CENPC: variants seen among roughly 807,000 people sequenced by gnomAD.
The protein encoded by CENPC is centromere protein C.
Under a neutral mutation model 112.1 loss-of-function variants are expected in CENPC, and 63 were observed. That is an observed-to-expected ratio of 0.56 (90% CI 0.46 to 0.69). CENPC has a LOEUF of 0.69. CENPC is among the 30% of genes least tolerant of loss of function. CENPC has a pLI of 0.00. For synonymous variants in CENPC, 333 were observed against 367.6 expected (o/e 0.91, Z 1.08); for missense variants, 1,000 against 1,103.8 (o/e 0.91, Z 1.33).
At chr4:67,512,248 G>A in intron 9 of CENPC, 154 bp downstream of exon 9, 1 of 592,936 alleles carries the variant, frequency 1.7e-6, no homozygotes, top group South Asian at 2.3e-5. Context: ...ACGCTTCAAG[G>A]AATATCTTTA....
At chr4:67,526,594 AT>A (rs1479445718) in intron 5 of CENPC, among the ~76,000 whole-genome samples, 1 of 152,198 alleles carries the variant, frequency 6.6e-6, no homozygotes, top group Non-Finnish European at 1.5e-5. Context: ...TAGTTAAAGG[AT>A]TAACACCAAT....
At chr4:67,534,658 G>C (rs762477370) in intron 4 of CENPC, among the ~76,000 whole-genome samples, 2 of 152,190 alleles carry the variant, frequency 1.3e-5, no homozygotes, top group African/African-American at 2.4e-5. Flanking sequence ...AGATTTCTTT[G>C]TCAGAAATAC....
chr4:67,493,670 T>C (rs1001385492), intron 14 of CENPC: 39 of 445,246 alleles, frequency 8.8e-5, no homozygotes, highest in Non-Finnish European at 1.6e-4. Context: ...ATTGGAAATC[T>C]TGTCAGATGA....
At chr4:67,540,855 AG>A (rs1469877627) in intron 3 of CENPC, 124 bp downstream of exon 3, 1 of 712,884 alleles carries the variant, frequency 1.4e-6, no homozygotes, top group African/African-American at 1.8e-5. Flanking sequence ...TCAAAATACC[AG>A]GGAAAATATT....
At chr4:67,492,142 G>T in intron 16 of CENPC, 38 bp downstream of exon 16, 2 of 1,304,296 alleles carry the variant, frequency 1.5e-6, no homozygotes, top group Non-Finnish European at 2.1e-6. Flanking sequence ...CTTACAAATT[G>T]TTTAATTAAG....
intron 17 of CENPC, among the ~76,000 whole-genome samples, 164 bp from the exon 18 acceptor site, chr4:67,475,142 A>G (rs1724768918): frequency 6.6e-6 from 1 of 152,216 alleles, no homozygotes; most frequent in Admixed American, 6.5e-5. Context: ...GGACCTTGAG[A>G]TGGGGAGATT....
chr4:67,490,853 TATATATATATATATATATATATATAGAA>T (rs1330885737), intron 16 of CENPC, among the ~76,000 whole-genome samples: 90 of 17,910 alleles, frequency 5.0e-3, no homozygotes, highest in Admixed American at 0.034. Context: ...TATATATATA[TATATATATATATATATATATATATAGAA>T]ATATATAGAA....
intron 5 of CENPC, among the ~76,000 whole-genome samples, chr4:67,522,157 A>G (rs1726246693): frequency 6.6e-6 from 1 of 152,262 alleles, no homozygotes; most frequent in East Asian, 1.9e-4. Flanking sequence ...TATATAAACA[A>G]ACTAAAACAA....
At chr4:67,538,229 T>C (rs1164733979) in intron 4 of CENPC, among the ~76,000 whole-genome samples, 2 of 152,326 alleles carry the variant, frequency 1.3e-5, no homozygotes, top group African/African-American at 4.8e-5. Flanking sequence ...CCTCTAACAC[T>C]ATTTTAGCTA....
chr4:67,491,790 C>A (rs371550954), intron 16 of CENPC, among the ~76,000 whole-genome samples: 1 of 152,028 alleles, frequency 6.6e-6, no homozygotes, highest in Non-Finnish European at 1.5e-5. Context: ...TGTGCCCTAC[C>A]CACAATCCCT....
intron 5 of CENPC, among the ~76,000 whole-genome samples, chr4:67,523,447 A>C (rs1726288296): frequency 6.6e-6 from 1 of 152,234 alleles, no homozygotes; most frequent in Non-Finnish European, 1.5e-5. Context: ...ATGTATACAG[A>C]AATGTAAAAG....
In CENPC at chr4:67,514,630, C is replaced by T. The variant is rs752715558; in HGVS notation, c.888G>A (p.Thr296=). The change falls in exon 8 of 19, where the codon ACG becomes ACA. Residue 296 remains threonine (T), a synonymous_variant. Coordinates refer to ENST00000273853, the MANE Select transcript of CENPC (RefSeq NM_001812.4). ...TTATAAATTCATCCTCTATCAACTT[C>T]GTATCATCGGGAGGACACGAATGAG... ...APPHSCPPDD[T]KLIEDEFIID... is the part of the protein sequence containing the mutation. The T allele has an allele frequency of 3.7e-6, 6 of 1,607,636 alleles. No homozygotes were observed. Among genetic ancestry groups the T allele is most frequent in the Non-Finnish European group, 2.5e-6 (3 of 1,177,206 alleles).
intron 12 of CENPC, among the ~76,000 whole-genome samples, chr4:67,496,296 T>G (rs1725429057): frequency 6.6e-6 from 1 of 152,152 alleles, no homozygotes; most frequent in Admixed American, 6.6e-5. Flanking sequence ...CAGCTTGCAT[T>G]TAACTATATA....
In CENPC at chr4:67,470,723, C is replaced by T. The variant is rs1724637818; in HGVS notation, c.*1882G>A. On this transcript the variant is annotated 3_prime_UTR_variant, in exon 19 of 19. Coordinates refer to ENST00000273853, the MANE Select transcript of CENPC (RefSeq NM_001812.4). ...TGGTAAAAACTACAGTTTTGTCTGG[C>T]TGTAGCTAACTGAAAAACTAGCAAC... 1 of 152,190 alleles carries T rather than the reference C, an allele frequency of 6.6e-6. No individual in the cohort carries two copies. The highest frequency in any genetic ancestry group is 1.5e-5 in the Non-Finnish European group (1 of 68,046). The allele number at this position is 152,190 out of a possible 1,614,324, so 9.4% of individuals were successfully genotyped here.
At chr4:67,510,827 G>T in intron 9 of CENPC, 1 of 345,442 alleles carries the variant, frequency 2.9e-6, no homozygotes, top group East Asian at 7.5e-5. Context: ...TGAGAGTTTA[G>T]ACTATATGAT....
rs182472082 is a variant in CENPC at position 67,495,232 on chromosome 4, A to G, written c.2132-20T>C. ...AGTCATCTACAAAATGCAAAAGATA[A>G]TATCATAAGAAATGACTGCTAATTC... On this transcript the variant is annotated intron_variant, in intron 12 of 18. Transcript: ENST00000273853. 1,814 of 1,510,608 alleles carry G rather than the reference A, an allele frequency of 1.2e-3. 31 individuals are homozygous for G. The African/African-American group carries it at 0.023, about 19-fold the overall frequency. 93.6% of individuals were successfully genotyped at this position (1,510,608 alleles called of 1,614,324 possible).
At chr4:67,528,235 T>C (rs1026250731) in intron 5 of CENPC, among the ~76,000 whole-genome samples, 5 of 152,144 alleles carry the variant, frequency 3.3e-5, no homozygotes, top group African/African-American at 1.2e-4. Context: ...CAGTTAGGAT[T>C]AACCTTAACA....
chr4:67,519,343 T>A lies in CENPC; in HGVS notation c.491A>T (p.Asp164Val). 1.2e-6 allele frequency: 2 copies of A among 1,612,986 alleles called. No individual in the cohort carries two copies. Among genetic ancestry groups the A allele is most frequent in the Non-Finnish European group, 1.7e-6 (2 of 1,179,426 alleles). ...ATTTTGTGATACAGATGTTTTTGCATCCAAAAGAACAGAAGGTGAGCCAAC... is the reference window on the plus strand; with the variant it reads ...ATTTTGTGATACAGATGTTTTTGCAACCAAAAGAACAGAAGGTGAGCCAAC... ...LSVGSPSVLL[D>V]AKTSVSQNVI... is the part of the protein sequence containing the mutation. Residue 164 changes from aspartate (D) to valine (V), a missense_variant, in exon 6 of 19, where the codon GAT becomes GTT. Asp to Val is a radical substitution (Grantham distance 152, BLOSUM62 -3). Coordinates refer to ENST00000273853, the MANE Select transcript of CENPC (RefSeq NM_001812.4).
intron 12 of CENPC, among the ~76,000 whole-genome samples, chr4:67,503,072 GTCA>G (rs1365963939): frequency 6.6e-6 from 1 of 152,100 alleles, no homozygotes; most frequent in East Asian, 1.9e-4. Flanking sequence ...TACAGGTCAA[GTCA>G]TGTCTCTCTT....
Sources: allele counts gnomAD v4.1 joint callset (sites outside exome capture counted in the v4.1 genomes callset), GRCh38; gene constraint gnomAD v4.1.1; transcripts MANE v1.5; gene names NCBI Gene and HGNC (gene_info 2026-07-23, HGNC 2026-07-21).